Variants in SLC4A8 observed in about 807,000 individuals in gnomAD.
SLC4A8 encodes solute carrier family 4 member 8.
A neutral mutation model predicts 125.0 loss-of-function variants in SLC4A8; 40 were observed. The ratio of observed to expected loss-of-function variants is 0.32; its 90% CI spans 0.25 to 0.42. The LOEUF (loss-of-function observed/expected upper bound fraction) is 0.42, where lower values mean the gene tolerates loss of function less well. Ranked by LOEUF, SLC4A8 falls within the 10% of genes least tolerant of loss-of-function variation. The pLI is 1.00. For synonymous variants in SLC4A8, 456 were observed against 476.0 expected, an observed-to-expected ratio of 0.96 and a Z score of 0.55; for missense variants, 863 against 1,355.1, an observed-to-expected ratio of 0.64 and a Z score of 5.70.
chr12:51,446,334 G>C (rs909909719), intron 2 of SLC4A8, among the ~76,000 whole-genome samples: 1 of 152,176 alleles, frequency 6.6e-6, no homozygotes, highest in African/African-American at 2.4e-5. Flanking sequence ...TAACATTCTA[G>C]CAGATCTCTG....
intron 15 of SLC4A8, 61 bp from the exon 16 acceptor site, chr12:51,474,984 G>A: frequency 6.8e-7 from 1 of 1,465,996 alleles, no homozygotes; most frequent in Non-Finnish European, 9.4e-7. Context: ...GGACTCAGTA[G>A]GAAACAGCTA....
chr12:51,432,474 C>G (rs1024673692), intron 1 of SLC4A8, among the ~76,000 whole-genome samples: 3 of 150,870 alleles, frequency 2.0e-5, no homozygotes, highest in Non-Finnish European at 4.4e-5. Flanking sequence ...CCTGTAATCC[C>G]AGCACCTTGG....
At position 51,453,644 on chromosome 12, in the gene SLC4A8, T is replaced by C; in HGVS notation, c.519T>C (p.Leu173=). The change falls in exon 5 of 25, where the codon CTT becomes CTC. Residue 173 remains leucine, a synonymous_variant. Transcript: ENST00000453097. ...GCCTGTTTGAGCTAAGGAGCTGCCT[T>C]ATTAATGGAACAGTCCTCCTGGATA... is the stretch of plus-strand genomic sequence containing the variant. The part of the protein sequence containing the change: ...LHSLFELRSC[L]INGTVLLDMH... 2 of 1,614,216 alleles carry C rather than the reference T, an allele frequency of 1.2e-6. No individual in the cohort carries two copies.
intron 1 of SLC4A8, among the ~76,000 whole-genome samples, chr12:51,392,571 C>CAAAAAAAAAAAAA (rs35992841): frequency 5.9e-5 from 7 of 119,116 alleles, no homozygotes; most frequent in Non-Finnish European, 8.4e-5. Flanking sequence ...GATTCCGTAT[C>CAAAAAAAAAAAAA]AAAAAAAAAA....
At position 51,444,091 on chromosome 12, in the gene SLC4A8, A is replaced by T. The variant is rs185780839; in HGVS notation, c.130+3302A>T. Among the ~76,000 whole-genome samples the T allele has an allele frequency of 7.1e-4, 108 of 152,294 alleles. 1 individual carries two copies. Among genetic ancestry groups the T allele is most frequent in the Non-Finnish European group, 1.0e-3 (68 of 68,018 alleles). On this transcript the variant is annotated intron_variant, in intron 2 of 24. Transcript: ENST00000453097. Reference sequence around the variant, plus strand: ...ACCTTTTTTGGAAAAAAGAATGACGAGTTAGATGGGAAAAAAATGGGATTT... The same window carrying T: ...ACCTTTTTTGGAAAAAAGAATGACGTGTTAGATGGGAAAAAAATGGGATTT...
chr12:51,398,263 C>T (rs1270928564), intron 1 of SLC4A8, among the ~76,000 whole-genome samples: 2 of 152,118 alleles, frequency 1.3e-5, no homozygotes, highest in East Asian at 1.9e-4. Flanking sequence ...AAAATGATTC[C>T]TTGGCATTTT....
At chr12:51,484,709 C>G (rs1357641869) in intron 16 of SLC4A8, among the ~76,000 whole-genome samples, 1 of 152,168 alleles carries the variant, frequency 6.6e-6, no homozygotes, top group Non-Finnish European at 1.5e-5. Context: ...TTGCCAGGTA[C>G]TGTATTTTAT....
intron 10 of SLC4A8, 104 bp downstream of exon 10, chr12:51,462,560 G>A: frequency 1.1e-6 from 1 of 886,658 alleles, no homozygotes; most frequent in East Asian, 3.0e-5. Flanking sequence ...TCAAGATGCA[G>A]CTCTGTTTTG....
At chr12:51,478,103 G>A (rs1394691339) in intron 16 of SLC4A8, among the ~76,000 whole-genome samples, 2 of 151,904 alleles carry the variant, frequency 1.3e-5, no homozygotes, top group Admixed American at 1.3e-4. Flanking sequence ...GTGAAACCCT[G>A]TCTCTACTAA....
chr12:51,424,142 CCT>C (rs1484840252), upstream of SLC4A8, among the ~76,000 whole-genome samples: 1 of 150,806 alleles, frequency 6.6e-6, no homozygotes, highest in African/African-American at 2.4e-5. Flanking sequence ...TTTTAGCCAG[CCT>C]CTCTTTTCTT....
At chr12:51,486,423 A>G (rs1001833027) in intron 17 of SLC4A8, among the ~76,000 whole-genome samples, 1 of 152,252 alleles carries the variant, frequency 6.6e-6, no homozygotes, top group African/African-American at 2.4e-5. Context: ...AGTAATCATG[A>G]CATCTCTTTC....
At chr12:51,461,370 T>A in intron 9 of SLC4A8, 79 bp downstream of exon 9, 1 of 841,348 alleles carries the variant, frequency 1.2e-6, no homozygotes, top group Non-Finnish European at 2.0e-6. Flanking sequence ...AATATGCTAG[T>A]TATTGGGGAT....
intron 22 of SLC4A8, among the ~76,000 whole-genome samples, chr12:51,503,312 A>C (rs1592282495): frequency 7.1e-6 from 1 of 140,920 alleles, no homozygotes; most frequent in African/African-American, 2.6e-5. Flanking sequence ...GCAACCTCCG[A>C]CTCCCGGGTT....
At position 51,411,045 on chromosome 12, in the gene SLC4A8, GTTTTTTTT is replaced by G. The variant is rs58816269; in HGVS notation, c.-112+19570_-112+19577del. The stretch of plus-strand genomic sequence containing the variant: ...GTGAGCCACTGCTCCTGGCCAATCT[GTTTTTTTT>G]TTTTTTTTTTTTAAATACAGAATTA... On this transcript the variant is annotated intron_variant, in intron 1 of 24. Coordinates refer to the SLC4A8 transcript ENST00000358657. 4.5e-3 allele frequency among the ~76,000 whole-genome samples: 552 copies of G among 122,940 alleles called. 2 individuals carry two copies. The highest frequency in any genetic ancestry group is 0.015 in the African/African-American group (508 of 32,864). 80.7% of individuals were successfully genotyped at this position (122,940 alleles called of 152,430 possible). A position where few individuals can be genotyped will look rare whatever the true frequency, so the allele number is the denominator to read the frequency against.
At chr12:51,469,834 AT>A (rs1950640711) in intron 12 of SLC4A8, 46 bp downstream of exon 12, 1 of 1,587,462 alleles carries the variant, frequency 6.3e-7, no homozygotes, top group South Asian at 1.1e-5. Flanking sequence ...AAGACCTAAA[AT>A]ATTGTGGCGG....
chr12:51,488,860 G>A lies in SLC4A8; in HGVS notation c.2448G>A (p.Lys816=), dbSNP rs1225049056. ...VIINRKEHKL[K]KGCGYHLDLL... ...TTAACAGGAAGGAACATAAGCTCAAGGTAAAAAGAGGTTCTGACCTAGAAG... is the reference window on the plus strand; with the variant it reads ...TTAACAGGAAGGAACATAAGCTCAAAGTAAAAAGAGGTTCTGACCTAGAAG... The change falls in exon 18 of 25, where the codon AAG becomes AAA. Residue 816 remains lysine, a splice_region_variant and synonymous_variant. Coordinates refer to ENST00000453097, the MANE Select transcript of SLC4A8 (RefSeq NM_001039960.3). The A allele has an allele frequency of 6.2e-7, 1 of 1,609,478 alleles. No individual in the cohort carries two copies. The highest frequency in any genetic ancestry group is 8.5e-7 in the Non-Finnish European group (1 of 1,177,570).
intron 1 of SLC4A8, among the ~76,000 whole-genome samples, chr12:51,401,787 AC>A (rs1051871334): frequency 1.3e-5 from 2 of 151,330 alleles, no homozygotes; most frequent in African/African-American, 4.9e-5. Flanking sequence ...GCCAGGGACC[AC>A]CCCCTTCCCT....
intron 1 of SLC4A8, 26 bp downstream of exon 1, chr12:51,425,061 C>T (rs1308755072): frequency 1.3e-6 from 2 of 1,544,754 alleles, no homozygotes; most frequent in Non-Finnish European, 1.7e-6. Flanking sequence ...CCGCGCCTCC[C>T]GCTCCTCCCC....
intron 2 of SLC4A8, 53 bp from the exon 3 acceptor site, chr12:51,450,823 T>A: frequency 6.3e-7 from 1 of 1,596,030 alleles, no homozygotes; most frequent in Non-Finnish European, 8.6e-7. Context: ...TTTGTTGTTG[T>A]TGTTTTTTAA....
Sources: allele counts gnomAD v4.1 joint callset (sites outside exome capture counted in the v4.1 genomes callset), GRCh38; gene constraint gnomAD v4.1.1; transcripts MANE v1.5; gene names NCBI Gene and HGNC (gene_info 2026-07-23, HGNC 2026-07-21).